Variants in DCUN1D2 observed in about 807,000 individuals in gnomAD.
DCUN1D2 encodes the protein DCN1-like protein 2.
DCUN1D2 carries 29 observed loss-of-function variants against 30.9 expected under a neutral mutation model. That is an observed-to-expected ratio of 0.94 (90% CI 0.70 to 1.28). DCUN1D2 has a LOEUF of 1.28. Ranked by LOEUF, DCUN1D2 falls within the 50% of genes most tolerant of loss-of-function variation. The pLI is 0.00. For synonymous variants in DCUN1D2, 121 were observed against 115.3 expected, an observed-to-expected ratio of 1.05 and a Z score of -0.32; for missense variants, 325 against 316.9, an observed-to-expected ratio of 1.03 and a Z score of -0.19.
Position 113,474,273 on chromosome 13 carries a change from G to T in DCUN1D2, c.390-19C>A. 1.2e-6 allele frequency: 2 copies of T among 1,612,264 alleles called. No individual in the cohort carries two copies. Among genetic ancestry groups the T allele is most frequent in the Non-Finnish European group, 1.7e-6 (2 of 1,178,680 alleles). Reference sequence around the variant, plus strand: ...GTCACACCTGCGATGACAGAGAGTGGTTTGTCTTGCAGCAGATGCGCCTCC... The same window carrying T: ...GTCACACCTGCGATGACAGAGAGTGTTTTGTCTTGCAGCAGATGCGCCTCC... On this transcript the variant is annotated intron_variant, in intron 3 of 6. Transcript: ENST00000478244.
chr13:113,490,649 C>T lies in DCUN1D2; in HGVS notation c.3+18G>A. The T allele has an allele frequency of 2.4e-6, 3 of 1,243,506 alleles. No homozygotes were observed. Among genetic ancestry groups the T allele is most frequent in the East Asian group, 3.5e-5 (1 of 28,912 alleles). 77.0% of individuals were successfully genotyped at this position (1,243,506 alleles called of 1,614,324 possible). A position where few individuals can be genotyped will look rare whatever the true frequency, so the allele number is the denominator to read the frequency against. Reference sequence around the variant, plus strand: ...CGACCCCGACCCCGACGGGCAGAGGCGACGCCGGGCCACCTACCATCTCCC... The same window carrying T: ...CGACCCCGACCCCGACGGGCAGAGGTGACGCCGGGCCACCTACCATCTCCC... On this transcript the variant is annotated intron_variant, in intron 1 of 6. Transcript: ENST00000478244. This position sits in a 1 kb window ranked among gnomAD's most constrained non-coding sequence, Gnocchi z 5.2.
chr13:113,474,122 A>T lies in DCUN1D2; in HGVS notation c.520+2T>A, dbSNP rs755031793. 3.1e-6 allele frequency: 5 copies of T among 1,613,542 alleles called. No homozygotes were observed. Among genetic ancestry groups the T allele is most frequent in the Middle Eastern group, 1.7e-4 (1 of 6,052 alleles). ...TTTTACGTATTTGGATTTCATACTC[A>T]CCTAAACCTTTCTGCCCTGGGTTCT... On this transcript the variant is annotated splice_donor_variant, in intron 4 of 6. Transcript: ENST00000478244. LOFTEE classifies it high-confidence loss of function.
chr13:113,462,620 G>T, intron 4 of DCUN1D2: 1 of 351,126 alleles, frequency 2.8e-6, no homozygotes, highest in Non-Finnish European at 4.0e-6. Context: ...AATTCCCCGT[G>T]TGCAAAGGCT....
At chr13:113,463,346 G>A (rs748303504) in intron 4 of DCUN1D2, among the ~76,000 whole-genome samples, 11 of 152,022 alleles carry the variant, frequency 7.2e-5, no homozygotes, top group Non-Finnish European at 1.3e-4. Flanking sequence ...AAGTACCTTA[G>A]GGCAGACATA....
intron 1 of DCUN1D2, among the ~76,000 whole-genome samples, chr13:113,489,675 T>C (rs1413039243): frequency 1.3e-5 from 2 of 152,122 alleles, no homozygotes; most frequent in Non-Finnish European, 2.9e-5. Context: ...TTTCAGCTCC[T>C]ATACGTCATC....
intron 4 of DCUN1D2, among the ~76,000 whole-genome samples, chr13:113,466,567 C>T (rs923377058): frequency 6.6e-6 from 1 of 152,132 alleles, no homozygotes. Context: ...TTTACTGCCC[C>T]GAGTGTGGAA....
At chr13:113,482,313 A>G (rs1289872013) in intron 2 of DCUN1D2, among the ~76,000 whole-genome samples, 1 of 152,372 alleles carries the variant, frequency 6.6e-6, no homozygotes, top group East Asian at 1.9e-4. Flanking sequence ...AATAACACCC[A>G]AAGACACAAT....
chr13:113,473,707 G>A (rs1435545981), intron 4 of DCUN1D2, among the ~76,000 whole-genome samples: 1 of 152,232 alleles, frequency 6.6e-6, no homozygotes, highest in Non-Finnish European at 1.5e-5. Context: ...CAAGAGGGTG[G>A]TAACGTTACA....
chr13:113,467,952 G>A (rs1489776430), intron 4 of DCUN1D2, among the ~76,000 whole-genome samples: 1 of 151,244 alleles, frequency 6.6e-6, no homozygotes, highest in African/African-American at 2.4e-5. Flanking sequence ...GCTGAGGCAG[G>A]AGAATTGCTT....
intron 3 of DCUN1D2, among the ~76,000 whole-genome samples, chr13:113,476,847 G>A (rs994442723): frequency 1.3e-5 from 2 of 152,148 alleles, no homozygotes; most frequent in Admixed American, 1.3e-4. Context: ...GTAGAGGTCA[G>A]GATTTATTTT....
At position 113,480,728 on chromosome 13, in the gene DCUN1D2, T is replaced by C. The variant is rs1288379205; in HGVS notation, c.236A>G (p.Asn79Ser). The part of the protein sequence containing the change: ...YGRYKDPQDE[N>S]KIGVDGIQQF... ...TTGAATCCCATCGACTCCAATTTTG[T>C]TTTCATCTTGTGGATCTGTAGTTAA... The change falls in exon 3 of 7, where the codon AAC (asparagine) becomes AGC (serine). Residue 79 changes from asparagine (N) to serine (S), a missense_variant. By Grantham distance (46) the Asn-to-Ser change is conservative. Coordinates refer to ENST00000478244, the MANE Select transcript of DCUN1D2 (RefSeq NM_001014283.2). 1.2e-6 allele frequency: 2 copies of C among 1,614,036 alleles called. No individual in the cohort carries two copies. Among genetic ancestry groups the C allele is most frequent in the East Asian group, 2.2e-5 (1 of 44,872 alleles).
intron 1 of DCUN1D2, among the ~76,000 whole-genome samples, chr13:113,484,611 T>C (rs903782840): frequency 6.6e-6 from 1 of 152,130 alleles, no homozygotes; most frequent in African/African-American, 2.4e-5. Context: ...CCTGTTATGA[T>C]TAAATGGAAA....
chr13:113,466,047 A>C (rs911975018), intron 4 of DCUN1D2, among the ~76,000 whole-genome samples: 1 of 152,042 alleles, frequency 6.6e-6, no homozygotes, highest in African/African-American at 2.4e-5. Flanking sequence ...CACCAGACTC[A>C]GCTAATTTTT....
intron 5 of DCUN1D2, among the ~76,000 whole-genome samples, chr13:113,460,475 T>A (rs1165230280): frequency 1.3e-5 from 2 of 152,254 alleles, no homozygotes; most frequent in Non-Finnish European, 2.9e-5. Flanking sequence ...CAGCTGCACC[T>A]GCTGCCAGCA....
chr13:113,486,143 T>C (rs1468797845), intron 1 of DCUN1D2, among the ~76,000 whole-genome samples: 4 of 152,088 alleles, frequency 2.6e-5, no homozygotes, highest in African/African-American at 9.7e-5. Context: ...ATGTGCTACA[T>C]ATATACCATG....
intron 3 of DCUN1D2, chr13:113,475,978 A>G (rs2044610811): frequency 6.6e-6 from 1 of 152,250 alleles, no homozygotes; most frequent in Non-Finnish European, 1.5e-5. Flanking sequence ...TCAGGAACTC[A>G]GCGTGCACCA....
intron 3 of DCUN1D2, among the ~76,000 whole-genome samples, chr13:113,477,306 C>T (rs939228436): frequency 2.6e-5 from 4 of 152,164 alleles, no homozygotes; most frequent in African/African-American, 4.8e-5. Context: ...TCCTGTCTCT[C>T]GATGAATTAC....
intron 3 of DCUN1D2, among the ~76,000 whole-genome samples, chr13:113,476,352 T>A (rs1053302679): frequency 1.1e-4 from 16 of 152,198 alleles, no homozygotes; most frequent in African/African-American, 3.9e-4. Context: ...GTGTCTTATT[T>A]TAGCACCCAA....
chr13:113,469,696 A>G (rs765675442), intron 4 of DCUN1D2, among the ~76,000 whole-genome samples: 8 of 147,032 alleles, frequency 5.4e-5, no homozygotes, highest in Non-Finnish European at 9.2e-5. Context: ...ATGTTAAGCC[A>G]GGTGTGGTGG....
Sources: gnomAD v4.1 joint callset for allele counts (sites outside exome capture counted in the v4.1 genomes callset) on GRCh38, gnomAD v4.1.1 for gene constraint, Gnocchi (gnomAD v3.1) non-coding constraint, MANE v1.5 for transcripts, NCBI Gene and HGNC (gene_info 2026-07-23, HGNC 2026-07-21) for gene names.